The following AAGAB variants were observed in gnomAD, a reference collection of about 807,000 sequenced individuals.
AAGAB encodes the protein alpha- and gamma-adaptin-binding protein p34.
Under a neutral mutation model 44.1 loss-of-function variants are expected in AAGAB, and 38 were observed. The observed-to-expected ratio is 0.86, with a 90% confidence interval of 0.67 to 1.13. AAGAB has a LOEUF of 1.13. AAGAB is among the 50% of genes most tolerant of loss of function. The pLI is 0.00. For synonymous variants in AAGAB, 131 were observed against 131.8 expected, an observed-to-expected ratio of 0.99 and a Z score of 0.04; for missense variants, 450 against 373.8, an observed-to-expected ratio of 1.20 and a Z score of -1.68.
intron 5 of AAGAB, among the ~76,000 whole-genome samples, chr15:67,218,857 A>G (rs1032782850): frequency 2.6e-5 from 4 of 152,214 alleles, no homozygotes; most frequent in African/African-American, 4.8e-5. Flanking sequence ...TTTTATCTAC[A>G]TCCCTTTCCT....
upstream of AAGAB, chr15:67,254,998 G>C (rs1034092213): frequency 3.8e-6 from 6 of 1,564,492 alleles, no homozygotes; most frequent in Non-Finnish European, 5.3e-6. Flanking sequence ...CGCCACTTCC[G>C]AGCGAGGTCC....
intron 1 of AAGAB, among the ~76,000 whole-genome samples, chr15:67,239,663 T>C (rs1964550089): frequency 6.6e-6 from 1 of 152,206 alleles, no homozygotes; most frequent in Non-Finnish European, 1.5e-5. Context: ...GACTTTATTA[T>C]CACATCTGTG....
intron 3 of AAGAB, 136 bp from the exon 4 acceptor site, chr15:67,236,204 G>A: frequency 6.9e-6 from 6 of 870,576 alleles, no homozygotes; most frequent in Non-Finnish European, 1.0e-5. Context: ...ATAATAAAAA[G>A]AAAATGACTT....
intron 6 of AAGAB, 95 bp from the exon 7 acceptor site, chr15:67,208,753 G>C (rs150867081): frequency 1.4e-5 from 15 of 1,049,266 alleles, no homozygotes; most frequent in African/African-American, 1.3e-4. Context: ...TGGTTGGCTT[G>C]AGAAAAGAGT....
rs1274851801 is a variant in AAGAB at position 67,204,048 on chromosome 15, C to G, written c.816G>C (p.Met272Ile). The change falls in exon 8 of 10, where the codon ATG (methionine) becomes ATC (isoleucine). Residue 272 changes from methionine to isoleucine, a missense_variant. By Grantham distance (10) the Met-to-Ile change is conservative. Coordinates refer to ENST00000261880, the MANE Select transcript of AAGAB (RefSeq NM_024666.5). Reference sequence around the variant, plus strand: ...AGACACAATGGATCTGATTACCTTTCATTTCCTTTAACTTTGAAAAGAGTC... The same window carrying G: ...AGACACAATGGATCTGATTACCTTTGATTTCCTTTAACTTTGAAAAGAGTC... ...FERLFSKLKE[M>I]KDKAATLPHE... 1.3e-6 allele frequency: 2 copies of G among 1,584,290 alleles called. No homozygotes were observed. Among genetic ancestry groups the G allele is most frequent in the South Asian group, 1.1e-5 (1 of 90,242 alleles).
intron 1 of AAGAB, among the ~76,000 whole-genome samples, chr15:67,237,556 T>C (rs1212173005): frequency 6.6e-6 from 1 of 152,168 alleles, no homozygotes; most frequent in African/African-American, 2.4e-5. Flanking sequence ...AAGAGACAAG[T>C]CAATGGTGAA....
Position 67,254,402 on chromosome 15 carries a change from AG to A in AAGAB, c.73+156del, listed in dbSNP as rs1965011365. On this transcript the variant is annotated intron_variant, in intron 1 of 9. Coordinates refer to ENST00000261880, the MANE Select transcript of AAGAB (RefSeq NM_024666.5). ...GCAGAAAAGCACGAGATTAAGAGATAGGGGCAGCCACCTGGGGAGACTGGGC... is the reference window on the plus strand; with the variant it reads ...GCAGAAAAGCACGAGATTAAGAGATAGGGCAGCCACCTGGGGAGACTGGGC... 3.6e-5 allele frequency: 51 copies of A among 1,423,472 alleles called. 1 individual carries two copies. In the South Asian group the frequency reaches 6.8e-4, roughly 19 times the overall value. The allele number at this position is 1,423,472 out of a possible 1,614,324, so 88.2% of individuals were successfully genotyped here.
chr15:67,228,318 T>G (rs1964251582), intron 5 of AAGAB, among the ~76,000 whole-genome samples: 1 of 152,242 alleles, frequency 6.6e-6, no homozygotes, highest in Non-Finnish European at 1.5e-5. Flanking sequence ...AAATCTTATT[T>G]TTATAGCCTT....
At chr15:67,214,786 G>A (rs540133761) in intron 5 of AAGAB, among the ~76,000 whole-genome samples, 24 of 151,992 alleles carry the variant, frequency 1.6e-4, no homozygotes, top group Non-Finnish European at 2.1e-4. Context: ...GACTCCAGGC[G>A]TCCGCCACCG....
intron 7 of AAGAB, among the ~76,000 whole-genome samples, chr15:67,206,795 T>C (rs553594875): frequency 3.3e-5 from 5 of 152,292 alleles, no homozygotes; most frequent in African/African-American, 1.2e-4. Flanking sequence ...CAAGAGATGC[T>C]CCAGGGTCAT....
At chr15:67,224,125 TC>T (rs537732718) in intron 5 of AAGAB, among the ~76,000 whole-genome samples, 4 of 152,334 alleles carry the variant, frequency 2.6e-5, no homozygotes, top group African/African-American at 9.6e-5. Context: ...GACTATAGTC[TC>T]CCACCAGAAT....
chr15:67,237,764 T>C (rs1964505580), intron 1 of AAGAB, among the ~76,000 whole-genome samples: 1 of 152,198 alleles, frequency 6.6e-6, no homozygotes, highest in Non-Finnish European at 1.5e-5. Flanking sequence ...ATTAATTGAC[T>C]TATCAGAAGA....
chr15:67,242,305 C>T (rs1376887560), intron 1 of AAGAB, among the ~76,000 whole-genome samples: 1 of 132,344 alleles, frequency 7.6e-6, no homozygotes, highest in Non-Finnish European at 1.6e-5. Flanking sequence ...CGCCTGTAGT[C>T]CCAGCTACTC....
chr15:67,239,396 T>C (rs778395393), intron 1 of AAGAB, among the ~76,000 whole-genome samples: 1 of 152,240 alleles, frequency 6.6e-6, no homozygotes, highest in Non-Finnish European at 1.5e-5. Flanking sequence ...TTTTATACTT[T>C]CATTTTCAAA....
chr15:67,232,183 G>A (rs1430121029), intron 4 of AAGAB, among the ~76,000 whole-genome samples: 2 of 151,266 alleles, frequency 1.3e-5, no homozygotes, highest in Non-Finnish European at 2.9e-5. Context: ...GAACCCAGGA[G>A]GTAGAGGTTG....
chr15:67,249,239 T>C (rs1346548187), intron 1 of AAGAB, among the ~76,000 whole-genome samples: 1 of 152,142 alleles, frequency 6.6e-6, no homozygotes, highest in Non-Finnish European at 1.5e-5. Context: ...TTCACTATGT[T>C]GGCCAGGCTG....
intron 5 of AAGAB, among the ~76,000 whole-genome samples, chr15:67,211,340 T>C (rs917470389): frequency 1.3e-5 from 2 of 152,026 alleles, no homozygotes; most frequent in Non-Finnish European, 2.9e-5. Flanking sequence ...GCCCCCCTTA[T>C]CTCCTCATCC....
intron 2 of AAGAB, 48 bp from the exon 3 acceptor site, chr15:67,236,552 T>G: frequency 6.2e-7 from 1 of 1,605,060 alleles, no homozygotes; most frequent in Non-Finnish European, 8.5e-7. Flanking sequence ...AAAGAGATAG[T>G]CAGACAAAAT....
rs145166583 is a variant in AAGAB, at chr15:67,253,063, T to C, written c.73+1496A>G. ...ATAATAATGTCTATGATTTATCAAA[T>C]GTTTACTATGTGCCAGACTCGGGGA... is the stretch of plus-strand genomic sequence containing the variant. On this transcript the variant is annotated intron_variant, in intron 1 of 9. Coordinates refer to ENST00000261880, the MANE Select transcript of AAGAB (RefSeq NM_024666.5). 1.9e-3 allele frequency among the ~76,000 whole-genome samples: 284 copies of C among 152,330 alleles called. 1 individual carries two copies. Among genetic ancestry groups the C allele is most frequent in the Admixed American group, 5.2e-3 (80 of 15,304 alleles).
Sources: allele counts gnomAD v4.1 joint callset (sites outside exome capture counted in the v4.1 genomes callset), GRCh38; gene constraint gnomAD v4.1.1; transcripts MANE v1.5; gene names NCBI Gene and HGNC (gene_info 2026-07-23, HGNC 2026-07-21).